Variants in DENND5B observed in about 807,000 individuals in gnomAD.
DENND5B encodes DENN domain-containing protein 5B.
DENND5B carries 34 observed loss-of-function variants against 140.6 expected under a neutral mutation model. The ratio of observed to expected loss-of-function variants is 0.24; its 90% CI spans 0.18 to 0.32. DENND5B has a LOEUF of 0.32. Among genes scored for constraint, DENND5B ranks in the 10% least tolerant of loss-of-function variants. The pLI is 1.00. For synonymous variants in DENND5B, 551 were observed against 562.1 expected (o/e 0.98, Z 0.28); for missense variants, 1,142 against 1,560.2 (o/e 0.73, Z 4.52).
At chr12:31,555,663 T>G (rs1312885892) in intron 1 of DENND5B, among the ~76,000 whole-genome samples, 1 of 152,240 alleles carries the variant, frequency 6.6e-6, no homozygotes, top group African/African-American at 2.4e-5. Flanking sequence ...CGCCTACAGA[T>G]GCAGGCAGGC....
At chr12:31,479,057 T>C (rs1332969613) in intron 3 of DENND5B, among the ~76,000 whole-genome samples, 1 of 152,178 alleles carries the variant, frequency 6.6e-6, no homozygotes, top group Non-Finnish European at 1.5e-5. Context: ...GAAAGTCATC[T>C]GTCTCATGCC....
intron 1 of DENND5B, among the ~76,000 whole-genome samples, chr12:31,501,113 A>C (rs1946985547): frequency 6.6e-6 from 1 of 152,214 alleles, no homozygotes; most frequent in Admixed American, 6.5e-5. Context: ...CCTCACCCAA[A>C]TCTCACCTTG....
chr12:31,528,061 G>A (rs948944392), intron 1 of DENND5B, among the ~76,000 whole-genome samples: 2 of 152,172 alleles, frequency 1.3e-5, no homozygotes, highest in Non-Finnish European at 2.9e-5. Context: ...CTAAACAGGA[G>A]AATGTATTAA....
intron 1 of DENND5B, among the ~76,000 whole-genome samples, chr12:31,556,703 G>A (rs1949296350): frequency 6.6e-6 from 1 of 152,128 alleles, no homozygotes; most frequent in Admixed American, 6.6e-5. Flanking sequence ...GAAACCTATT[G>A]TTTACAGAAT....
At chr12:31,487,791 G>A (rs2060620838) in intron 2 of DENND5B, among the ~76,000 whole-genome samples, 1 of 152,076 alleles carries the variant, frequency 6.6e-6, no homozygotes, top group African/African-American at 2.4e-5. Context: ...ATTGTAGAAG[G>A]GATAATTTGA....
At chr12:31,531,159 C>G (rs975068704) in intron 1 of DENND5B, among the ~76,000 whole-genome samples, 1 of 152,066 alleles carries the variant, frequency 6.6e-6, no homozygotes, top group African/African-American at 2.4e-5. Context: ...CTTTTATATC[C>G]TACTACGAGT....
At chr12:31,522,338 A>G (rs964793853) in intron 1 of DENND5B, among the ~76,000 whole-genome samples, 1 of 152,240 alleles carries the variant, frequency 6.6e-6, no homozygotes, top group Non-Finnish European at 1.5e-5. Context: ...TGTACTCTGC[A>G]GTCCTAAATT....
At chr12:31,551,212 T>G (rs2139244771) in intron 1 of DENND5B, among the ~76,000 whole-genome samples, 1 of 152,346 alleles carries the variant, frequency 6.6e-6, no homozygotes, top group Non-Finnish European at 1.5e-5. Flanking sequence ...CATTTAAGTC[T>G]TTAATCCATC....
intron 1 of DENND5B, among the ~76,000 whole-genome samples, chr12:31,580,226 T>C (rs1403186376): frequency 1.3e-5 from 2 of 151,192 alleles, no homozygotes; most frequent in African/African-American, 4.9e-5. Context: ...CATGTTTGCT[T>C]AAAAAAAAAT....
chr12:31,459,172 C>T (rs1215724584), intron 4 of DENND5B, among the ~76,000 whole-genome samples: 1 of 151,070 alleles, frequency 6.6e-6, no homozygotes, highest in Non-Finnish European at 1.5e-5. Flanking sequence ...CATTGCACTC[C>T]AGCCTGGGCA....
intron 3 of DENND5B, among the ~76,000 whole-genome samples, chr12:31,473,018 C>A (rs1945631592): frequency 6.6e-6 from 1 of 152,172 alleles, no homozygotes; most frequent in Non-Finnish European, 1.5e-5. Context: ...CAGGTTACTG[C>A]AACCTCCACC....
rs181484987 is a variant in DENND5B, at chr12:31,574,524, A to C, written c.127+16182T>G. On this transcript the variant is annotated intron_variant, in intron 1 of 20. Coordinates refer to ENST00000389082, the MANE Select transcript of DENND5B (RefSeq NM_144973.4). The stretch of plus-strand genomic sequence containing the variant: ...AGAATCGCTTGAACCTGGGAGGCGG[A>C]GGTTGCAGTGAGCTGAGATTGCGTC... Among the ~76,000 whole-genome samples, 1,462 of 152,104 alleles carry C rather than the reference A, an allele frequency of 9.6e-3. 27 individuals carry two copies. Among genetic ancestry groups the C allele is most frequent in the African/African-American group, 0.033 (1,384 of 41,512 alleles).
chr12:31,437,554 A>G (rs1156236543), intron 7 of DENND5B, among the ~76,000 whole-genome samples: 4 of 152,166 alleles, frequency 2.6e-5, no homozygotes, highest in Non-Finnish European at 5.9e-5. Context: ...CTTTATTCCA[A>G]GACTCACATT....
At chr12:31,566,819 T>C (rs1949649349) in intron 1 of DENND5B, among the ~76,000 whole-genome samples, 1 of 152,158 alleles carries the variant, frequency 6.6e-6, no homozygotes, top group South Asian at 2.1e-4. Flanking sequence ...AACATCAGAT[T>C]CTTCTATACA....
chr12:31,523,361 C>T (rs922268687), intron 1 of DENND5B, among the ~76,000 whole-genome samples: 7 of 152,112 alleles, frequency 4.6e-5, no homozygotes, highest in African/African-American at 1.7e-4. Flanking sequence ...CCACACCTGG[C>T]CTATTCTTGC....
intron 4 of DENND5B, among the ~76,000 whole-genome samples, chr12:31,455,374 G>A (rs1480239437): frequency 6.6e-6 from 1 of 152,126 alleles, no homozygotes; most frequent in Non-Finnish European, 1.5e-5. Flanking sequence ...ATAGCTACTG[G>A]TCTGTCTTCA....
chr12:31,551,543 C>T (rs1334168947), intron 1 of DENND5B, among the ~76,000 whole-genome samples: 1 of 152,146 alleles, frequency 6.6e-6, no homozygotes, highest in African/African-American at 2.4e-5. Flanking sequence ...CTCGGCGATG[C>T]AGGCTCTTTT....
At chr12:31,586,130 A>T (rs2139516811) in intron 1 of DENND5B, among the ~76,000 whole-genome samples, 1 of 152,348 alleles carries the variant, frequency 6.6e-6, no homozygotes, top group East Asian at 1.9e-4. Flanking sequence ...CTGTAAATTA[A>T]GCCATGTGTA....
At chr12:31,467,987 C>G (rs1945355493) in intron 3 of DENND5B, among the ~76,000 whole-genome samples, 1 of 152,022 alleles carries the variant, frequency 6.6e-6, no homozygotes, top group East Asian at 1.9e-4. Flanking sequence ...GGTATGATGG[C>G]TCACACCTCT....
Sources: gnomAD v4.1 joint callset for allele counts (sites outside exome capture counted in the v4.1 genomes callset) on GRCh38, gnomAD v4.1.1 for gene constraint, MANE v1.5 for transcripts, NCBI Gene and HGNC (gene_info 2026-07-23, HGNC 2026-07-21) for gene names.